FBXL7: variants seen among roughly 807,000 people sequenced by gnomAD.
FBXL7 encodes the protein F-box/LRR-repeat protein 7.
In FBXL7, 12 loss-of-function variants were observed where a neutral mutation model predicts 38.3. That is an observed-to-expected ratio of 0.31 (90% confidence interval 0.20 to 0.51). The LOEUF (loss-of-function observed/expected upper bound fraction) is 0.51. Among genes scored for constraint, FBXL7 ranks in the 20% least tolerant of loss-of-function variants. The pLI, the probability that FBXL7 is intolerant of heterozygous loss-of-function variation, is 0.98. For missense variants in FBXL7, 567 were observed against 676.4 expected (o/e 0.84, Z 1.79); for synonymous variants, 297 against 300.9 (o/e 0.99, Z 0.13).
At chr5:15,925,366 C>T (rs1163185966) in intron 2 of FBXL7, among the ~76,000 whole-genome samples, 1 of 152,192 alleles carries the variant, frequency 6.6e-6, no homozygotes, top group Non-Finnish European at 1.5e-5. Flanking sequence ...AAGAGGCTAA[C>T]ATGGGAGGTT....
intron 1 of FBXL7, among the ~76,000 whole-genome samples, chr5:15,551,788 C>T (rs1738080637): frequency 6.6e-6 from 1 of 152,106 alleles, no homozygotes; most frequent in African/African-American, 2.4e-5. Context: ...GGATACAGTG[C>T]TTTTGATCTA....
intron 2 of FBXL7, among the ~76,000 whole-genome samples, chr5:15,633,476 A>C (rs1741065436): frequency 6.6e-6 from 1 of 152,264 alleles, no homozygotes; most frequent in South Asian, 2.1e-4. Flanking sequence ...CAATCTAAAA[A>C]AATTTTTTTA....
At chr5:15,544,072 G>T (rs2126412163) in intron 1 of FBXL7, among the ~76,000 whole-genome samples, 1 of 152,230 alleles carries the variant, frequency 6.6e-6, no homozygotes. Flanking sequence ...ATTAAAAGTG[G>T]GTATAAATAT....
At chr5:15,844,662 C>T (rs1738843257) in intron 2 of FBXL7, among the ~76,000 whole-genome samples, 1 of 152,186 alleles carries the variant, frequency 6.6e-6, no homozygotes, top group African/African-American at 2.4e-5. Context: ...GAGAGCATCA[C>T]TCAAACCCAA....
At position 15,701,311 on chromosome 5, in the gene FBXL7, T is replaced by C. The variant is rs558090981; in HGVS notation, c.127+85239T>C. ...CACTTCAAATAGTCCAATGACTGTT[T>C]ATGGCTTTTCACATAAATATTTAGA... On this transcript the variant is annotated intron_variant, in intron 2 of 3. Coordinates refer to ENST00000504595, the MANE Select transcript of FBXL7 (RefSeq NM_012304.5). Among the ~76,000 whole-genome samples, 3 of 152,340 alleles carry C rather than the reference T, an allele frequency of 2.0e-5. No homozygotes were observed. The South Asian group carries it at 6.2e-4, about 32-fold the overall frequency.
chr5:15,518,276 G>A (rs901869174), intron 1 of FBXL7, among the ~76,000 whole-genome samples: 41 of 152,144 alleles, frequency 2.7e-4, no homozygotes, highest in Non-Finnish European at 1.5e-4. Flanking sequence ...CACAGGTTCA[G>A]TTTTAGCTAC....
At chr5:15,924,897 G>A (rs1000147710) in intron 2 of FBXL7, among the ~76,000 whole-genome samples, 1 of 152,198 alleles carries the variant, frequency 6.6e-6, no homozygotes, top group African/African-American at 2.4e-5. Flanking sequence ...AAAGGGCTGG[G>A]ATTATAGGCA....
At chr5:15,727,332 T>C (rs750380327) in intron 2 of FBXL7, among the ~76,000 whole-genome samples, 1 of 152,208 alleles carries the variant, frequency 6.6e-6, no homozygotes. Context: ...GATTACTGTT[T>C]AGTGTTCTTT....
At chr5:15,656,201 C>T (rs1305066217) in intron 2 of FBXL7, among the ~76,000 whole-genome samples, 1 of 152,128 alleles carries the variant, frequency 6.6e-6, no homozygotes, top group African/African-American at 2.4e-5. Flanking sequence ...TAAAGCCTTA[C>T]GTGTTTAGGC....
At chr5:15,669,086 A>T (rs1742376974) in intron 2 of FBXL7, among the ~76,000 whole-genome samples, 1 of 152,136 alleles carries the variant, frequency 6.6e-6, no homozygotes, top group South Asian at 2.1e-4. Flanking sequence ...TTCAAAATCC[A>T]GGTCTCTGTG....
intron 2 of FBXL7, among the ~76,000 whole-genome samples, chr5:15,899,748 GAAGAAAAA>G (rs1224603225): frequency 8.6e-5 from 13 of 152,040 alleles, no homozygotes; most frequent in African/African-American, 3.1e-4. Context: ...TCATTAATGA[GAAGAAAAA>G]ATTTCAGGAG....
At chr5:15,654,090 C>G (rs1741796036) in intron 2 of FBXL7, among the ~76,000 whole-genome samples, 1 of 152,120 alleles carries the variant, frequency 6.6e-6, no homozygotes, top group South Asian at 2.1e-4. Flanking sequence ...TTGAGCCAAA[C>G]AAATATAACA....
chr5:15,844,434 C>T (rs149796884), intron 2 of FBXL7, among the ~76,000 whole-genome samples: 17 of 152,312 alleles, frequency 1.1e-4, no homozygotes, highest in African/African-American at 3.8e-4. Context: ...TAATCCTGCA[C>T]GGCAGCTCTT....
chr5:15,780,941 C>G (rs1466612421), intron 2 of FBXL7, among the ~76,000 whole-genome samples: 1 of 152,122 alleles, frequency 6.6e-6, no homozygotes. Context: ...AGGAGGAGAA[C>G]TCTGATTCCA....
In FBXL7 at chr5:15,754,412, G is replaced by A. The variant is rs191534962; in HGVS notation, c.127+138340G>A. ...CCCCCCAACCAAGAGTTGGTGTATT[G>A]GAGTCCAGCAGCAGGGGCATCACAT... is the stretch of plus-strand genomic sequence containing the variant. On this transcript the variant is annotated intron_variant, in intron 2 of 3. Transcript: ENST00000504595. Among the ~76,000 whole-genome samples the A allele has an allele frequency of 1.2e-3, 179 of 152,266 alleles. 1 individual carries two copies. The highest frequency in any genetic ancestry group is 3.8e-3 in the African/African-American group (159 of 41,554).
chr5:15,590,996 T>C (rs1025296295), intron 1 of FBXL7, among the ~76,000 whole-genome samples: 13 of 152,190 alleles, frequency 8.5e-5, no homozygotes, highest in Non-Finnish European at 1.6e-4. Context: ...ATAACAAGTC[T>C]AGGACCACAA....
intron 2 of FBXL7, among the ~76,000 whole-genome samples, chr5:15,762,174 G>A (rs1341352937): frequency 6.6e-6 from 1 of 152,168 alleles, no homozygotes; most frequent in Non-Finnish European, 1.5e-5. Flanking sequence ...AGGTTGTGAG[G>A]ATGAAAGCTG....
chr5:15,636,719 A>C (rs1035413981), intron 2 of FBXL7, among the ~76,000 whole-genome samples: 1 of 132,480 alleles, frequency 7.5e-6, no homozygotes, highest in Admixed American at 7.7e-5. Context: ...CTGATTATTT[A>C]TGTTGGCTTT....
At chr5:15,830,651 C>T (rs1738432896) in intron 2 of FBXL7, among the ~76,000 whole-genome samples, 7 of 152,168 alleles carry the variant, frequency 4.6e-5, no homozygotes, top group Admixed American at 4.6e-4. Flanking sequence ...TGGGGCCCAC[C>T]ACTGTTCCCA....
Sources: allele counts gnomAD v4.1 joint callset (sites outside exome capture counted in the v4.1 genomes callset), GRCh38; gene constraint gnomAD v4.1.1; transcripts MANE v1.5; gene names NCBI Gene and HGNC (gene_info 2026-07-23, HGNC 2026-07-21).